Variants in HEG1 observed in about 807,000 individuals in gnomAD.
HEG1 encodes the protein protein HEG homolog 1.
A neutral mutation model predicts 125.6 loss-of-function variants in HEG1; 56 were observed. The ratio of observed to expected loss-of-function variants is 0.45; its 90% CI spans 0.36 to 0.56. The LOEUF is 0.56. Ranked by LOEUF, HEG1 falls within the 20% of genes least tolerant of loss-of-function variation. The pLI, the probability that HEG1 is intolerant of heterozygous loss-of-function variation, is 0.00. For missense variants in HEG1, 1,523 were observed against 1,670.0 expected, an observed-to-expected ratio of 0.91 and a Z score of 1.53; for synonymous variants, 644 against 668.5, an observed-to-expected ratio of 0.96 and a Z score of 0.57.
At chr3:125,031,446 A>G (rs1400435029) in intron 1 of HEG1, among the ~76,000 whole-genome samples, 1 of 152,180 alleles carries the variant, frequency 6.6e-6, no homozygotes, top group Admixed American at 6.5e-5. Flanking sequence ...GTTGTCACTG[A>G]TTACGTGACT....
chr3:125,022,759 G>A (rs1275942712), intron 3 of HEG1, among the ~76,000 whole-genome samples: 1 of 151,574 alleles, frequency 6.6e-6, no homozygotes, highest in African/African-American at 2.4e-5. Context: ...ACTCAACCAT[G>A]TGACTTCTCA....
intron 1 of HEG1, among the ~76,000 whole-genome samples, chr3:125,052,114 G>A (rs1051472792): frequency 3.3e-5 from 5 of 152,052 alleles, no homozygotes; most frequent in South Asian, 2.1e-4. Flanking sequence ...CATGCACCAC[G>A]GAGAGTCCCT....
Position 124,968,407 on chromosome 3 carries a change from T to G in HEG1, c.*2245A>C, listed in dbSNP as rs1936357595. ...TGACCTCAACCTTGTGGGTGCCTCC[T>G]TTTTTTCTCAGTTAGAACAACAAAA... On this transcript the variant is annotated 3_prime_UTR_variant, in exon 17 of 17. Transcript: ENST00000311127. 1 of 152,218 alleles carries G rather than the reference T, an allele frequency of 6.6e-6. No homozygotes were observed. Among genetic ancestry groups the G allele is most frequent in the Non-Finnish European group, 1.5e-5 (1 of 68,086 alleles). The allele number at this position is 152,218 out of a possible 1,614,324, so 9.4% of individuals were successfully genotyped here. A position where few individuals can be genotyped will look rare whatever the true frequency, so the allele number is the denominator to read the frequency against.
chr3:124,989,638 A>T (rs1451254251), intron 14 of HEG1, among the ~76,000 whole-genome samples: 1 of 152,206 alleles, frequency 6.6e-6, no homozygotes, highest in Non-Finnish European at 1.5e-5. Flanking sequence ...CCCCGCTCAC[A>T]GTCCCCACCA....
chr3:125,016,171 C>T (rs1281114939), intron 5 of HEG1, among the ~76,000 whole-genome samples: 1 of 152,202 alleles, frequency 6.6e-6, no homozygotes, highest in Non-Finnish European at 1.5e-5. Flanking sequence ...ATGACCACAT[C>T]AGGGTTACAG....
chr3:125,011,934 C>T (rs554351425), intron 6 of HEG1, among the ~76,000 whole-genome samples: 92 of 152,280 alleles, frequency 6.0e-4, no homozygotes, highest in African/African-American at 2.2e-3. Context: ...TTCCTGGTAC[C>T]AGCAACTTCA....
chr3:125,006,744 A>G (rs1025157370), intron 8 of HEG1, among the ~76,000 whole-genome samples: 5 of 152,186 alleles, frequency 3.3e-5, no homozygotes, highest in Non-Finnish European at 5.9e-5. Context: ...AAGCTAAATG[A>G]CTTGAAAAGG....
At chr3:124,990,919 T>C in intron 13 of HEG1, 25 bp downstream of exon 13, 1 of 1,555,506 alleles carries the variant, frequency 6.4e-7, no homozygotes, top group Non-Finnish European at 8.7e-7. Context: ...GTAACAAAAT[T>C]AGACTAAATC....
At chr3:125,008,469 G>C (rs1361050010) in intron 8 of HEG1, among the ~76,000 whole-genome samples, 1 of 152,194 alleles carries the variant, frequency 6.6e-6, no homozygotes, top group Non-Finnish European at 1.5e-5. Context: ...ACTGAAAGAT[G>C]AGTTATTTTA....
chr3:125,018,037 A>G (rs12637228), intron 5 of HEG1, among the ~76,000 whole-genome samples: 1 of 151,790 alleles, frequency 6.6e-6, no homozygotes, highest in African/African-American at 2.4e-5. Flanking sequence ...TCAAAAAAAA[A>G]AAAATAAATT....
chr3:124,981,251 G>A (rs201751075), intron 14 of HEG1, among the ~76,000 whole-genome samples: 3 of 139,510 alleles, frequency 2.2e-5, no homozygotes, highest in Non-Finnish European at 4.7e-5. Flanking sequence ...TTTTTTTAAA[G>A]TTTTTTTTTT....
chr3:124,997,295 A>G (rs1023293978), intron 12 of HEG1, among the ~76,000 whole-genome samples: 5 of 152,206 alleles, frequency 3.3e-5, no homozygotes, highest in African/African-American at 1.2e-4. Context: ...CTCTGGCCTC[A>G]GCTGCCTCTG....
At chr3:125,050,213 G>A (rs115500442) in intron 1 of HEG1, among the ~76,000 whole-genome samples, 4,540 of 148,938 alleles carry the variant, frequency 0.03, 108 homozygotes, top group South Asian at 0.092. Flanking sequence ...GTGTACTCTC[G>A]GCTAACTGCA....
chr3:124,986,340 T>G (rs1304195355), intron 14 of HEG1, among the ~76,000 whole-genome samples: 2 of 152,144 alleles, frequency 1.3e-5, no homozygotes, highest in Non-Finnish European at 2.9e-5. Flanking sequence ...GGAAGGCCCC[T>G]GCTGTCTTGG....
At chr3:124,978,665 T>C (rs1212151595) in intron 14 of HEG1, among the ~76,000 whole-genome samples, 1 of 152,134 alleles carries the variant, frequency 6.6e-6, no homozygotes, top group Non-Finnish European at 1.5e-5. Flanking sequence ...ATGGATGCCT[T>C]TTATCATGTG....
intron 12 of HEG1, among the ~76,000 whole-genome samples, chr3:124,991,553 C>T (rs560414315): frequency 6.6e-6 from 1 of 152,296 alleles, no homozygotes; most frequent in East Asian, 1.9e-4. Context: ...TGAAATAAGG[C>T]AATCCAATGG....
intron 3 of HEG1, among the ~76,000 whole-genome samples, chr3:125,021,625 G>A (rs1318707496): frequency 6.6e-6 from 1 of 152,236 alleles, no homozygotes; most frequent in Non-Finnish European, 1.5e-5. Flanking sequence ...AGGAGGCCGA[G>A]GGTTTTGCAG....
intron 7 of HEG1, 41 bp downstream of exon 7, chr3:125,010,398 G>A (rs1169157151): frequency 2.4e-6 from 3 of 1,276,378 alleles, no homozygotes; most frequent in Non-Finnish European, 3.3e-6. Flanking sequence ...GCCCAACGTG[G>A]TACTGTGGTG....
rs1936358656 is a variant in HEG1 at position 124,968,472 on chromosome 3, G to C, written c.*2180C>G. The C allele has an allele frequency of 6.6e-6, 1 of 152,216 alleles. No homozygotes were observed. Among genetic ancestry groups the C allele is most frequent in the Non-Finnish European group, 1.5e-5 (1 of 68,060 alleles). The allele number at this position is 152,216 out of a possible 1,614,324, so 9.4% of individuals were successfully genotyped here. On this transcript the variant is annotated 3_prime_UTR_variant, in exon 17 of 17. Coordinates refer to ENST00000311127, the MANE Select transcript of HEG1 (RefSeq NM_020733.2). ...TCCACTCCATACGGAAGAAACCCAT[G>C]AACAAGAAGCATTGTTGGAACTCAC...
Sources: allele counts gnomAD v4.1 joint callset (sites outside exome capture counted in the v4.1 genomes callset), GRCh38; gene constraint gnomAD v4.1.1; transcripts MANE v1.5; gene names NCBI Gene and HGNC (gene_info 2026-07-23, HGNC 2026-07-21).